The following FLG variants were observed in gnomAD, a reference collection of about 807,000 sequenced individuals.
The protein encoded by FLG is filaggrin, also known as epidermal filaggrin.
In FLG, 6 loss-of-function variants were observed where a neutral mutation model predicts 3.8. The observed-to-expected ratio is 1.60, with a 90% confidence interval of 0.87 to 3.15. The LOEUF is 3.15. Among genes scored for constraint, FLG ranks in the 30% most tolerant of loss-of-function variants. The pLI, the probability that FLG is intolerant of heterozygous loss-of-function variation, is 0.00. For missense variants in FLG, 7,595 were observed against 5,050.9 expected (o/e 1.50, Z -15.27); for synonymous variants, 2,551 against 1,931.6 (o/e 1.32, Z -8.41).
At position 152,308,795 on chromosome 1, in the gene FLG, C is replaced by T. The variant is rs147135377; in HGVS notation, c.6091G>A (p.Val2031Ile). ...GIGHGQASSA[V>I]RDSGHRGYSG... is the part of the protein sequence containing the mutation. ...TACCCTCGGTGTCCACTGTCTCTGA[C>T]TGCAGATGAAGCTTGTCCATGCCCA... Residue 2031 changes from valine to isoleucine, a missense_variant, in exon 3 of 3, where the codon GTC becomes ATC. By Grantham distance (29) the Val-to-Ile change is conservative (BLOSUM62 3). Coordinates refer to ENST00000368799, the MANE Select transcript of FLG (RefSeq NM_002016.2). 3.3e-5 allele frequency: 54 copies of T among 1,614,168 alleles called. No homozygotes were observed. Among genetic ancestry groups the T allele is most frequent in the South Asian group, 8.8e-5 (8 of 91,080 alleles).
In FLG at chr1:152,313,255, G is replaced by A. The variant is rs772598205; in HGVS notation, c.1631C>T (p.Ser544Phe). 9.3e-6 allele frequency: 15 copies of A among 1,613,792 alleles called. No individual in the cohort carries two copies. Among genetic ancestry groups the A allele is most frequent in the Non-Finnish European group, 1.3e-5 (15 of 1,180,020 alleles). ...CTGGGATGTGGTGTGGCTGTGATGG[G>A]AACCTGAGTGTCCAGACCTATTTAC... Reference protein sequence around the residue: ...QSVNRSGHSGSHHSHTTSQGR... With the variant: ...QSVNRSGHSGFHHSHTTSQGR... The change falls in exon 3 of 3, where the codon TCC becomes TTC. Residue 544 changes from serine to phenylalanine, a missense_variant. Coordinates refer to ENST00000368799, the MANE Select transcript of FLG (RefSeq NM_002016.2).
chr1:152,310,688 C>G lies in FLG; in HGVS notation c.4198G>C (p.Gly1400Arg). The change falls in exon 3 of 3, where the codon GGA (glycine) becomes CGA (arginine). Residue 1400 changes from glycine (G) to arginine (R), a missense_variant. Gly to Arg is a moderately radical substitution (Grantham distance 125, BLOSUM62 -2). Coordinates refer to ENST00000368799, the MANE Select transcript of FLG (RefSeq NM_002016.2). ...TGTGTGTCTGAGTCTTCTGAATGTC[C>G]CTCACTGTTAGTGACCTGACTACCA... The part of the protein sequence containing the change: ...SSGSQVTNSE[G>R]HSEDSDTQSV... 1 of 1,614,080 alleles carries G rather than the reference C, an allele frequency of 6.2e-7. No homozygotes were observed. Among genetic ancestry groups the G allele is most frequent in the Non-Finnish European group, 8.5e-7 (1 of 1,180,038 alleles).
Position 152,315,477 on chromosome 1 carries a change from C to T in FLG, c.-21G>A, listed in dbSNP as rs1453174446. On this transcript the variant is annotated splice_region_variant and 5_prime_UTR_variant, in exon 2 of 3. Coordinates refer to ENST00000368799, the MANE Select transcript of FLG (RefSeq NM_002016.2). ...GACATCTTTTGGCAATAAATGTGAA[C>T]CTAGAAAGAAGAAATGAAAATGCAC... The T allele has an allele frequency of 1.2e-6, 2 of 1,603,790 alleles. No homozygotes were observed. Among genetic ancestry groups the T allele is most frequent in the South Asian group, 1.1e-5 (1 of 88,904 alleles).
rs767834113 is a variant in FLG, at chr1:152,315,410, T to A, written c.47A>T (p.Lys16Met). 6.2e-7 allele frequency: 1 copy of A among 1,611,924 alleles called. No individual in the cohort carries two copies. Among genetic ancestry groups the A allele is most frequent in the East Asian group, 2.2e-5 (1 of 44,742 alleles). The change falls in exon 2 of 3, where the codon AAG (lysine) becomes ATG (methionine). Residue 16 changes from lysine (K) to methionine (M), a missense_variant. Transcript: ENST00000368799. The stretch of plus-strand genomic sequence containing the variant: ...GTTTTTATCTTTTTTTGAATATTGC[T>A]TGAAAAGATTAATTATGGCAAAGAT... ...ENIFAIINLF[K>M]QYSKKDKNTD...
At position 152,310,810 on chromosome 1, in the gene FLG, G is replaced by C; in HGVS notation, c.4076C>G (p.Ser1359Cys). 6.2e-7 allele frequency: 1 copy of C among 1,611,968 alleles called. No individual in the cohort carries two copies. Among genetic ancestry groups the C allele is most frequent in the South Asian group, 1.1e-5 (1 of 90,946 alleles). ...ARSSPGERHG[S>C]RHQQSADSSR... is the part of the protein sequence containing the mutation. ...GCTGTCTGCTGACTGCTGGTGGCGG[G>C]ATCCATGTCTTTCTCCTGGACTTGA... The change falls in exon 3 of 3, where the codon TCC becomes TGC. Residue 1359 changes from serine to cysteine, a missense_variant. Coordinates refer to ENST00000368799, the MANE Select transcript of FLG (RefSeq NM_002016.2).
Position 152,310,235 on chromosome 1 carries a change from C to A in FLG, c.4651G>T (p.Gly1551Ter). Residue 1551 changes from glycine (G) to a stop codon, truncating the protein, a stop_gained, in exon 3 of 3, where the codon GGA (glycine) becomes TGA (stop). Transcript: ENST00000368799. LOFTEE classifies it low-confidence loss of function (END_TRUNC). ...SRQTRNEEQS[G>*]DGSRHSGSRH... ...GACCCTGAGTGCCTGGAGCCGTCTC[C>A]TGATTGTTCCTCATTTCTTGTTTGC... is the stretch of plus-strand genomic sequence containing the variant. 1.9e-6 allele frequency: 3 copies of A among 1,613,798 alleles called. No homozygotes were observed. The highest frequency in any genetic ancestry group is 2.5e-6 in the Non-Finnish European group (3 of 1,179,974).
Position 152,311,136 on chromosome 1 carries a change from T to A in FLG, c.3750A>T (p.Ser1250=), listed in dbSNP as rs774439797. Residue 1250 remains serine, a synonymous_variant, in exon 3 of 3, where the codon TCA becomes TCT. Coordinates refer to ENST00000368799, the MANE Select transcript of FLG (RefSeq NM_002016.2). The part of the protein sequence containing the change: ...AASWADSSRH[S]QVGQEQSSGS... ...CCGATGATTGTTCCTGTCCCACCTGTGAGTGTCTAGAGCTGTCAGCCCAAG... is the reference window on the plus strand; with the variant it reads ...CCGATGATTGTTCCTGTCCCACCTGAGAGTGTCTAGAGCTGTCAGCCCAAG... 2.5e-6 allele frequency: 4 copies of A among 1,613,666 alleles called. No homozygotes were observed. The highest frequency in any genetic ancestry group is 2.5e-6 in the Non-Finnish European group (3 of 1,179,978).
chr1:152,310,485 T>C lies in FLG; in HGVS notation c.4401A>G (p.Gly1467=), dbSNP rs1300738569. The C allele has an allele frequency of 8.7e-6, 14 of 1,613,668 alleles. 1 individual carries two copies. The highest frequency in any genetic ancestry group is 1.2e-5 in the Non-Finnish European group (14 of 1,179,888). ...TGTTTCGTGCCTGCTCATGGCGGGATCCTTGTCTTCCTCCAGTGCTGGGTG... is the reference window on the plus strand; with the variant it reads ...TGTTTCGTGCCTGCTCATGGCGGGACCCTTGTCTTCCTCCAGTGCTGGGTG... The part of the protein sequence containing the change: ...QTAPSTGGRQ[G]SRHEQARNSS... Residue 1467 remains glycine, a synonymous_variant, in exon 3 of 3, where the codon GGA becomes GGG. Transcript: ENST00000368799.
In FLG at chr1:152,314,703, C is replaced by T; in HGVS notation, c.183G>A (p.Leu61=). The T allele has an allele frequency of 3.1e-6, 5 of 1,613,828 alleles. No homozygotes were observed. Among genetic ancestry groups the T allele is most frequent in the Non-Finnish European group, 4.2e-6 (5 of 1,179,830 alleles). ...PDMVDVFMDH[L]DIDHNKKIDF... is the part of the protein sequence containing the mutation. ...CAATTTTCTTGTTGTGGTCTATATC[C>T]AAGTGATCCATGAAGACATCAACCA... Residue 61 remains leucine (L), a synonymous_variant, in exon 3 of 3, where the codon TTG becomes TTA. Coordinates refer to ENST00000368799, the MANE Select transcript of FLG (RefSeq NM_002016.2).
At chr1:152,320,606 A>G (rs1652930158) in intron 1 of FLG, among the ~76,000 whole-genome samples, 1 of 151,180 alleles carries the variant, frequency 6.6e-6, no homozygotes, top group Admixed American at 6.6e-5. Flanking sequence ...CAGGCAATCT[A>G]CAATCATAGT....
chr1:152,317,480 A>T (rs1452508688), intron 1 of FLG, among the ~76,000 whole-genome samples: 1 of 152,090 alleles, frequency 6.6e-6, no homozygotes, highest in Admixed American at 6.6e-5. Flanking sequence ...ATATTACTTG[A>T]CATATCAGCA....
intron 1 of FLG, among the ~76,000 whole-genome samples, chr1:152,320,417 T>C (rs1652920670): frequency 6.6e-6 from 1 of 150,844 alleles, no homozygotes; most frequent in Admixed American, 6.6e-5. Flanking sequence ...AATGAAAGGG[T>C]GGAAGAAAGA....
At position 152,308,005 on chromosome 1, in the gene FLG, TGCCCATGACCG is replaced by T. The variant is rs1652097478; in HGVS notation, c.6870_6880del (p.Gly2291LeufsTer26). Reference sequence around the variant, plus strand: ...TGATTGTCTGGAGCTCTCTGCAGAGTGCCCATGACCGGCTCTGTCTTCGTGATGGGACCTGG... The same window carrying T: ...TGATTGTCTGGAGCTCTCTGCAGAGTGCTCTGTCTTCGTGATGGGACCTGG... On this transcript the variant is annotated frameshift_variant, in exon 3 of 3. Transcript: ENST00000368799. LOFTEE classifies it low-confidence loss of function (END_TRUNC). 6.2e-7 allele frequency: 1 copy of T among 1,613,978 alleles called. No homozygotes were observed. Among genetic ancestry groups the T allele is most frequent in the Admixed American group, 1.7e-5 (1 of 60,002 alleles).
chr1:152,307,498 T>A lies in FLG; in HGVS notation c.7388A>T (p.His2463Leu). 3.1e-6 allele frequency: 5 copies of A among 1,613,096 alleles called. No individual in the cohort carries two copies. The highest frequency in any genetic ancestry group is 4.2e-6 in the Non-Finnish European group (5 of 1,179,708). Residue 2463 changes from histidine (H) to leucine (L), a missense_variant, in exon 3 of 3, where the codon CAT (histidine) becomes CTT (leucine). Transcript: ENST00000368799. ...TCCACTGCTTGACCCCGGGTGTCCA[T>A]GAATGGTGTCCTGACCCTCTTGGGA... ...STSQEGQDTI[H>L]GHPGSSSGGR...
chr1:152,310,504 C>T lies in FLG; in HGVS notation c.4382G>A (p.Ser1461Asn), dbSNP rs370908995. Reference protein sequence around the residue: ...SESTHGQTAPSTGGRQGSRHE... With the variant: ...SESTHGQTAPNTGGRQGSRHE... ...GCGGGATCCTTGTCTTCCTCCAGTG[C>T]TGGGTGCAGTCTGTCCGTGTGTGGA... Residue 1461 changes from serine to asparagine, a missense_variant, in exon 3 of 3, where the codon AGC becomes AAC. Coordinates refer to ENST00000368799, the MANE Select transcript of FLG (RefSeq NM_002016.2). 1.4e-5 allele frequency: 22 copies of T among 1,613,730 alleles called. No homozygotes were observed. The highest frequency in any genetic ancestry group is 1.8e-5 in the Non-Finnish European group (21 of 1,179,926).
chr1:152,312,380 C>T lies in FLG; in HGVS notation c.2506G>A (p.Asp836Asn), dbSNP rs777352352. Residue 836 changes from aspartate to asparagine, a missense_variant, in exon 3 of 3, where the codon GAT (aspartate) becomes AAT (asparagine). Asp to Asn is a conservative substitution (Grantham distance 23). Transcript: ENST00000368799. ...TGTCCACGAATGGTGTCCTGACCAT[C>T]TTGGGATGCTGAGTGCCTGGAGTTG... ...RDNSRHSASQ[D>N]GQDTIRGHPG... 1 of 1,611,786 alleles carries T rather than the reference C, an allele frequency of 6.2e-7. No homozygotes were observed. The highest frequency in any genetic ancestry group is 1.1e-5 in the South Asian group (1 of 90,938).
At chr1:152,316,894 G>T (rs1034234254) in intron 1 of FLG, among the ~76,000 whole-genome samples, 8 of 152,092 alleles carry the variant, frequency 5.3e-5, no homozygotes, top group Non-Finnish European at 4.4e-5. Context: ...ACTGGCCAAA[G>T]CTTCAACAAC....
At chr1:152,314,789 A>G (rs372637471) in intron 2 of FLG, 42 bp from the exon 3 acceptor site, 13 of 1,612,156 alleles carry the variant, frequency 8.1e-6, no homozygotes, top group African/African-American at 2.7e-5. Context: ...CATCAGACAG[A>G]ATCACATTAT....
rs1651901500 is a variant in FLG, at chr1:152,305,609, G to A, written c.9277C>T (p.Gln3093Ter). The A allele has an allele frequency of 1.3e-6, 2 of 1,498,322 alleles. No individual in the cohort carries two copies. Among genetic ancestry groups the A allele is most frequent in the African/African-American group, 1.9e-5 (1 of 52,776 alleles). The allele number at this position is 1,498,322 out of a possible 1,614,324, so 92.8% of individuals were successfully genotyped here. The part of the protein sequence containing the change: ...TRGRQGSRHE[Q>*]AQDSSRHSAS... ...GAGTGCCTGGAGCTGTCTTGTGCCTGCTCATGGCGGGATCCTTGTCTTCCT... is the reference window on the plus strand; with the variant it reads ...GAGTGCCTGGAGCTGTCTTGTGCCTACTCATGGCGGGATCCTTGTCTTCCT... The change falls in exon 3 of 3, where the codon CAG becomes TAG. Residue 3093 changes from glutamine to a stop codon, truncating the protein, a stop_gained. Transcript: ENST00000368799. LOFTEE classifies it low-confidence loss of function (END_TRUNC).
Sources: gnomAD v4.1 joint callset for allele counts (sites outside exome capture counted in the v4.1 genomes callset) on GRCh38, gnomAD v4.1.1 for gene constraint, MANE v1.5 for transcripts, NCBI Gene and HGNC (gene_info 2026-07-23, HGNC 2026-07-21) for gene names.